The following FRMD4A variants were observed in gnomAD, a reference collection of about 807,000 sequenced individuals.
FRMD4A encodes FERM domain containing 4A, also known as FERM domain-containing protein 4A.
Under a neutral mutation model 129.1 loss-of-function variants are expected in FRMD4A, and 29 were observed. The ratio of observed to expected loss-of-function variants is 0.22; its 90% CI spans 0.17 to 0.31. FRMD4A has a LOEUF of 0.31. Among genes scored for constraint, FRMD4A ranks in the 10% least tolerant of loss-of-function variants. The probability of loss-of-function intolerance (pLI) is 1.00; values close to 1 mark genes in which losing one functional copy is unlikely to be tolerated. For synonymous variants in FRMD4A, 634 were observed against 571.6 expected, an observed-to-expected ratio of 1.11 and a Z score of -1.56; for missense variants, 1,272 against 1,375.8, an observed-to-expected ratio of 0.92 and a Z score of 1.19.
chr10:14,235,262 G>A (rs1178512371), intron 2 of FRMD4A, among the ~76,000 whole-genome samples: 3 of 138,734 alleles, frequency 2.2e-5, no homozygotes, highest in Non-Finnish European at 4.8e-5. Flanking sequence ...CCATTCTCCG[G>A]CCTCAGCCTC....
intron 2 of FRMD4A, among the ~76,000 whole-genome samples, chr10:13,954,966 CTTCAA>C (rs1331082145): frequency 6.6e-6 from 1 of 152,168 alleles, no homozygotes; most frequent in East Asian, 1.9e-4. Context: ...AAGCCATTCA[CTTCAA>C]TTCTTTTAGC....
intron 2 of FRMD4A, among the ~76,000 whole-genome samples, chr10:13,868,631 A>C (rs1300269892): frequency 1.3e-5 from 2 of 152,062 alleles, no homozygotes; most frequent in African/African-American, 2.4e-5. Context: ...GGCAAAACCC[A>C]AAAACAACAA....
At chr10:13,847,230 C>T (rs927658813) in intron 3 of FRMD4A, among the ~76,000 whole-genome samples, 1 of 152,118 alleles carries the variant, frequency 6.6e-6, no homozygotes, top group African/African-American at 2.4e-5. Flanking sequence ...TCACAAAGAC[C>T]TAGTGGGCGG....
intron 2 of FRMD4A, among the ~76,000 whole-genome samples, chr10:14,263,629 T>C (rs1202708027): frequency 1.3e-5 from 2 of 151,974 alleles, no homozygotes; most frequent in East Asian, 1.9e-4. Context: ...GGGACTGTAA[T>C]AGAGGTGAAG....
At chr10:13,938,579 GTTC>G (rs1342518355) in intron 2 of FRMD4A, among the ~76,000 whole-genome samples, 1 of 152,070 alleles carries the variant, frequency 6.6e-6, no homozygotes, top group African/African-American at 2.4e-5. Flanking sequence ...TTTTTGCTCT[GTTC>G]TTCTATTGCC....
intron 16 of FRMD4A, among the ~76,000 whole-genome samples, chr10:13,672,481 T>C (rs2083593358): frequency 1.3e-5 from 2 of 152,146 alleles, no homozygotes; most frequent in Admixed American, 6.6e-5. Context: ...GTTGTTAAAA[T>C]TGCCATGGAT....
chr10:14,328,532 T>C (rs1409370148), intron 2 of FRMD4A, among the ~76,000 whole-genome samples: 1 of 151,930 alleles, frequency 6.6e-6, no homozygotes, highest in Non-Finnish European at 1.5e-5. Context: ...TAACTCTCCC[T>C]AAAGATATTT....
chr10:14,078,785 C>T (rs944950958), intron 2 of FRMD4A, among the ~76,000 whole-genome samples: 5 of 152,216 alleles, frequency 3.3e-5, no homozygotes, highest in Non-Finnish European at 7.3e-5. Context: ...CCATGTGTTT[C>T]CCCTTCTACT....
chr10:14,073,139 T>C (rs1041566435), intron 2 of FRMD4A, among the ~76,000 whole-genome samples: 1 of 152,198 alleles, frequency 6.6e-6, no homozygotes, highest in Non-Finnish European at 1.5e-5. Context: ...GGTACCTCCA[T>C]CTCTCAGCTC....
chr10:13,763,491 C>T (rs2092157283), intron 6 of FRMD4A, among the ~76,000 whole-genome samples: 1 of 152,122 alleles, frequency 6.6e-6, no homozygotes, highest in East Asian at 1.9e-4. Flanking sequence ...ATCGTCAGCT[C>T]AGATACAGAA....
Position 13,782,940 on chromosome 10 carries a change from C to A in FRMD4A, c.366G>T (p.Ala122=), listed in dbSNP as rs766628745. 9 of 1,466,498 alleles carry A rather than the reference C, an allele frequency of 6.1e-6. No individual in the cohort carries two copies. Among genetic ancestry groups the A allele is most frequent in the African/African-American group, 4.2e-5 (3 of 71,912 alleles). The allele number at this position is 1,466,498 out of a possible 1,614,324, so 90.8% of individuals were successfully genotyped here. A position where few individuals can be genotyped will look rare whatever the true frequency, so the allele number is the denominator to read the frequency against. Residue 122 remains alanine (A), a synonymous_variant, in exon 6 of 25, where the codon GCG becomes GCT. Coordinates refer to ENST00000357447, the MANE Select transcript of FRMD4A (RefSeq NM_018027.5). ...TTCCTACCTTGTAGATGCAGGACTT[C>A]GCGTTCAGAAAGAAAAGCTCAATGG... ...NATIELFFLN[A]KSCIYKELID...
chr10:14,009,011 G>C (rs1050524009), intron 2 of FRMD4A, among the ~76,000 whole-genome samples: 1 of 152,172 alleles, frequency 6.6e-6, no homozygotes, highest in Non-Finnish European at 1.5e-5. Flanking sequence ...TTGTGTTATA[G>C]AACATTTATT....
At chr10:13,724,087 G>A (rs116668028) in intron 12 of FRMD4A, among the ~76,000 whole-genome samples, 1,777 of 152,256 alleles carry the variant, frequency 0.012, 29 homozygotes, top group African/African-American at 0.04. Context: ...AGGAACAGTG[G>A]GAGATAAAAG....
In FRMD4A at chr10:14,175,812, G is replaced by A. The variant is rs533340847; in HGVS notation, c.45+154246C>T. On this transcript the variant is annotated intron_variant, in intron 2 of 24. Transcript: ENST00000357447. ...AGTGTTGGGATTACAGATGTGAGCC[G>A]CTGCTCAGGGTCCAATTTTCTATTC... is the stretch of plus-strand genomic sequence containing the variant. Among the ~76,000 whole-genome samples, 40 of 152,214 alleles carry A rather than the reference G, an allele frequency of 2.6e-4. No homozygotes were observed. The South Asian group carries it at 6.4e-3, about 24-fold the overall frequency.
At chr10:13,927,117 C>T (rs1216757944) in intron 2 of FRMD4A, among the ~76,000 whole-genome samples, 3 of 152,026 alleles carry the variant, frequency 2.0e-5, no homozygotes, top group East Asian at 1.9e-4. Context: ...ATTAGCTGGG[C>T]GTGGTGGCAC....
intron 2 of FRMD4A, among the ~76,000 whole-genome samples, chr10:13,977,703 T>C (rs1179949915): frequency 6.6e-6 from 1 of 152,238 alleles, no homozygotes; most frequent in East Asian, 1.9e-4. Context: ...GCCTTTAGTC[T>C]CCTTTCTGTC....
At chr10:13,825,164 T>C (rs1019651886) in intron 3 of FRMD4A, among the ~76,000 whole-genome samples, 9 of 152,104 alleles carry the variant, frequency 5.9e-5, no homozygotes, top group African/African-American at 1.9e-4. Flanking sequence ...TAACCAATAA[T>C]AAAATACAAC....
At chr10:14,234,155 C>A (rs1295665433) in intron 2 of FRMD4A, among the ~76,000 whole-genome samples, 1 of 152,062 alleles carries the variant, frequency 6.6e-6, no homozygotes, top group African/African-American at 2.4e-5. Context: ...GAACTCTTGA[C>A]ATAGCATCTG....
At position 13,644,561 on chromosome 10, in the gene FRMD4A, GA is replaced by G. The variant is rs773538566; in HGVS notation, c.*2476del. The G allele has an allele frequency of 6.6e-6, 1 of 152,128 alleles. No individual in the cohort carries two copies. The highest frequency in any genetic ancestry group is 1.5e-5 in the Non-Finnish European group (1 of 68,028). 9.4% of individuals were successfully genotyped at this position (152,128 alleles called of 1,614,324 possible). ...GTTGAAAATATAACCCAAATCTTTAGAATTTTTGCCTCTCATTCCTTGCAAC... is the reference window on the plus strand; with the variant it reads ...GTTGAAAATATAACCCAAATCTTTAGATTTTTGCCTCTCATTCCTTGCAAC... On this transcript the variant is annotated 3_prime_UTR_variant, in exon 25 of 25. Coordinates refer to ENST00000357447, the MANE Select transcript of FRMD4A (RefSeq NM_018027.5).
Sources: gnomAD v4.1 joint callset for allele counts (sites outside exome capture counted in the v4.1 genomes callset) on GRCh38, gnomAD v4.1.1 for gene constraint, MANE v1.5 for transcripts, NCBI Gene and HGNC (gene_info 2026-07-23, HGNC 2026-07-21) for gene names.